The following MON2 variants were observed in gnomAD, a reference collection of about 807,000 sequenced individuals.
The protein encoded by MON2 is MON2 regulator of endosome-to-Golgi trafficking, also known as protein MON2 homolog.
MON2 carries 84 observed loss-of-function variants against 208.6 expected under a neutral mutation model. The ratio of observed to expected loss-of-function variants is 0.40; its 90% CI spans 0.34 to 0.48. The LOEUF is 0.48. MON2 is among the 20% of genes least tolerant of loss of function. MON2 has a pLI of 0.59. For synonymous variants in MON2, 660 were observed against 694.0 expected (o/e 0.95, Z 0.77); for missense variants, 1,611 against 2,015.4 (o/e 0.80, Z 3.84).
rs753413944 is a variant in MON2, at chr12:62,544,892, C to G, written c.2467-6C>G. 1.9e-6 allele frequency: 3 copies of G among 1,602,404 alleles called. No individual in the cohort carries two copies. The highest frequency in any genetic ancestry group is 2.6e-6 in the Non-Finnish European group (3 of 1,173,454). The stretch of plus-strand genomic sequence containing the variant: ...ACAAATTAAACTTAATTTTATATAC[C>G]TTCAGGTCTGCCAGCATCCAAACTC... On this transcript the variant is annotated splice_polypyrimidine_tract_variant and splice_region_variant and intron_variant, in intron 20 of 34. Coordinates refer to ENST00000393630, the MANE Select transcript of MON2 (RefSeq NM_015026.3).
Position 62,493,971 on chromosome 12 carries a change from A to G in MON2, c.232A>G (p.Lys78Glu), listed in dbSNP as rs2070324942. Reference sequence around the variant, plus strand: ...GCCTTTTTTAATGGGTTGTGGAACCAAGGAACCGAAGATCACTCAGCTATG... The same window carrying G: ...GCCTTTTTTAATGGGTTGTGGAACCGAGGAACCGAAGATCACTCAGCTATG... Reference protein sequence around the residue: ...VQPFLMGCGTKEPKITQLCLA... With the variant: ...VQPFLMGCGTEEPKITQLCLA... Residue 78 changes from lysine (K) to glutamate (E), a missense_variant, in exon 3 of 35, where the codon AAG (lysine) becomes GAG (glutamate). Physicochemically the swap from Lys to Glu is moderately conservative, Grantham distance 56. Transcript: ENST00000393630. 2 of 1,613,010 alleles carry G rather than the reference A, an allele frequency of 1.2e-6. No homozygotes were observed. Among genetic ancestry groups the G allele is most frequent in the Non-Finnish European group, 1.7e-6 (2 of 1,179,324 alleles).
chr12:62,578,836 G>A (rs1441925293), intron 31 of MON2, among the ~76,000 whole-genome samples: 1 of 152,194 alleles, frequency 6.6e-6, no homozygotes, highest in African/African-American at 2.4e-5. Context: ...TGACATACCA[G>A]ATGTTTCTGG....
rs1026661584 is a variant in MON2, at chr12:62,493,896, A to G, written c.176-19A>G. 1 of 1,481,762 alleles carries G rather than the reference A, an allele frequency of 6.7e-7. No homozygotes were observed. Among genetic ancestry groups the G allele is most frequent in the Non-Finnish European group, 9.1e-7 (1 of 1,102,232 alleles). The allele number at this position is 1,481,762 out of a possible 1,614,324, so 91.8% of individuals were successfully genotyped here. On this transcript the variant is annotated intron_variant, in intron 2 of 34. Coordinates refer to ENST00000393630, the MANE Select transcript of MON2 (RefSeq NM_015026.3). ...TAGATTAATTTTAATAATTTACTTTATATGTGTTCTAAATGAAGCACTGAA... is the reference window on the plus strand; with the variant it reads ...TAGATTAATTTTAATAATTTACTTTGTATGTGTTCTAAATGAAGCACTGAA...
intron 1 of MON2, among the ~76,000 whole-genome samples, chr12:62,469,887 TTTATTTATTTA>T (rs2068703057): frequency 6.8e-5 from 2 of 29,210 alleles, no homozygotes; most frequent in South Asian, 1.2e-3. Flanking sequence ...TATTATTTTA[TTTATTTATTTA>T]TTTATTTATT....
At chr12:62,536,887 C>T (rs1475812469) in intron 14 of MON2, among the ~76,000 whole-genome samples, 2 of 151,926 alleles carry the variant, frequency 1.3e-5, no homozygotes, top group Non-Finnish European at 2.9e-5. Context: ...CAGGACTTCA[C>T]CATGTTGGCC....
Position 62,538,472 on chromosome 12 carries a change from A to G in MON2, c.2331A>G (p.Leu777=), listed in dbSNP as rs531167179. Reference sequence around the variant, plus strand: ...TAAATGCACTTTGCTCCTTGTCTCTAGAAGCAATGGATATGGCCTATGGAA... The same window carrying G: ...TAAATGCACTTTGCTCCTTGTCTCTGGAAGCAATGGATATGGCCTATGGAA... ...HLINALCSLS[L]EAMDMAYGNN... The change falls in exon 19 of 35, where the codon CTA becomes CTG. Residue 777 remains leucine (L), a synonymous_variant. Coordinates refer to ENST00000393630, the MANE Select transcript of MON2 (RefSeq NM_015026.3). The G allele has an allele frequency of 1.9e-6, 3 of 1,609,352 alleles. No homozygotes were observed. The highest frequency in any genetic ancestry group is 4.5e-5 in the East Asian group (2 of 44,754).
At chr12:62,539,947 C>T (rs530394562) in intron 19 of MON2, among the ~76,000 whole-genome samples, 22 of 151,750 alleles carry the variant, frequency 1.4e-4, no homozygotes, top group African/African-American at 1.9e-4. Flanking sequence ...CCAGCCTGGG[C>T]GACAGAGCAA....
chr12:62,469,758 T>C (rs2068692904), intron 1 of MON2, among the ~76,000 whole-genome samples: 1 of 152,156 alleles, frequency 6.6e-6, no homozygotes, highest in Non-Finnish European at 1.5e-5. Context: ...ATTTTTCTCT[T>C]TGGTTGCCAA....
chr12:62,529,861 A>G (rs1349721700), intron 11 of MON2, among the ~76,000 whole-genome samples: 1 of 152,160 alleles, frequency 6.6e-6, no homozygotes, highest in Non-Finnish European at 1.5e-5. Flanking sequence ...ATTTTTTTCA[A>G]CTGTTATGTA....
intron 22 of MON2, among the ~76,000 whole-genome samples, chr12:62,548,202 G>A (rs1172469313): frequency 6.6e-6 from 1 of 152,184 alleles, no homozygotes; most frequent in Non-Finnish European, 1.5e-5. Context: ...GGTAGGAAAT[G>A]AGAATGGCTA....
intron 1 of MON2, chr12:62,483,175 G>C (rs912214746): frequency 6.6e-6 from 1 of 151,968 alleles, no homozygotes; most frequent in African/African-American, 2.4e-5. Flanking sequence ...TTAATACTAA[G>C]TCTTCAAAAC....
intron 1 of MON2, among the ~76,000 whole-genome samples, chr12:62,480,719 C>G (rs1311872826): frequency 6.6e-6 from 1 of 152,216 alleles, no homozygotes; most frequent in African/African-American, 2.4e-5. Flanking sequence ...CATCTATCAT[C>G]TAGCACGCTA....
chr12:62,557,707 C>A (rs1031677650), intron 25 of MON2, among the ~76,000 whole-genome samples: 1 of 151,664 alleles, frequency 6.6e-6, no homozygotes, highest in Non-Finnish European at 1.5e-5. Flanking sequence ...TCTTTATGTG[C>A]ACTTTTTTCT....
At chr12:62,573,957 A>G (rs1046649292) in intron 30 of MON2, among the ~76,000 whole-genome samples, 1 of 152,210 alleles carries the variant, frequency 6.6e-6, no homozygotes, top group Admixed American at 6.5e-5. Context: ...TGGAAAATAC[A>G]TTACTTAAGA....
chr12:62,557,752 C>A (rs1325208843), intron 25 of MON2, among the ~76,000 whole-genome samples: 1 of 150,980 alleles, frequency 6.6e-6, no homozygotes, highest in Non-Finnish European at 1.5e-5. Context: ...GTGTCTGATC[C>A]ATTTAGCATG....
chr12:62,467,396 C>T, intron 1 of MON2, 78 bp downstream of exon 1: 3 of 1,196,770 alleles, frequency 2.5e-6, no homozygotes, highest in Non-Finnish European at 3.7e-6. Context: ...ACCCCAGTTT[C>T]CAGTCCTAAT....
chr12:62,592,168 CAT>C (rs1321659108), intron 34 of MON2, among the ~76,000 whole-genome samples: 5 of 152,136 alleles, frequency 3.3e-5, no homozygotes, highest in Non-Finnish European at 5.9e-5. Flanking sequence ...AATCATTAAA[CAT>C]ATTTTGTATT....
intron 30 of MON2, among the ~76,000 whole-genome samples, chr12:62,578,140 C>T (rs1392592744): frequency 6.6e-6 from 1 of 152,136 alleles, no homozygotes; most frequent in African/African-American, 2.4e-5. Flanking sequence ...TGCTCTGCTG[C>T]AGATGATAGC....
rs1273239045 is a variant in MON2 at position 62,534,530 on chromosome 12, A to AT, written c.1634-315_1634-314insT. On this transcript the variant is annotated intron_variant, in intron 12 of 34. Transcript: ENST00000393630. ...CAAGACTCCATCGCAAAAAAAAAAAAAAAAAAAAAAAAATATATATATATA... is the reference window on the plus strand; with the variant it reads ...CAAGACTCCATCGCAAAAAAAAAAAATAAAAAAAAAAAAATATATATATATA... 5.3e-4 allele frequency among the ~76,000 whole-genome samples: 21 copies of AT among 39,342 alleles called. 1 individual carries two copies. The highest frequency in any genetic ancestry group is 2.7e-3 in the African/African-American group (21 of 7,674). The allele number at this position is 39,342 out of a possible 152,430, so 25.8% of individuals were successfully genotyped here.
Sources: allele counts gnomAD v4.1 joint callset (sites outside exome capture counted in the v4.1 genomes callset), GRCh38; gene constraint gnomAD v4.1.1; transcripts MANE v1.5; gene names NCBI Gene and HGNC (gene_info 2026-07-23, HGNC 2026-07-21).